The following CCNJL variants were observed in gnomAD, a reference collection of about 807,000 sequenced individuals.
CCNJL encodes the protein cyclin-J-like protein.
A neutral mutation model predicts 33.4 loss-of-function variants in CCNJL; 33 were observed. The observed-to-expected ratio is 0.99, with a 90% CI of 0.75 to 1.32. The LOEUF is 1.32. Ranked by LOEUF, CCNJL falls within the 40% of genes most tolerant of loss-of-function variation. The pLI, the probability that CCNJL is intolerant of heterozygous loss-of-function variation, is 0.00. For synonymous variants in CCNJL, 227 were observed against 220.9 expected (o/e 1.03, Z -0.24); for missense variants, 512 against 499.7 (o/e 1.02, Z -0.23).
At chr5:160,260,698 G>C (rs755148729) in intron 3 of CCNJL, among the ~76,000 whole-genome samples, 15 of 152,028 alleles carry the variant, frequency 9.9e-5, no homozygotes, top group Non-Finnish European at 1.9e-4. Flanking sequence ...CCTCACTCTG[G>C]GAAAACCACC....
chr5:160,280,434 C>T (rs774159241), intron 3 of CCNJL, 91 bp downstream of exon 3: 67 of 1,031,342 alleles, frequency 6.5e-5, no homozygotes, highest in Non-Finnish European at 9.1e-5. Context: ...GTGCAAAGAT[C>T]GTCAAAATGT....
chr5:160,253,697 G>A lies in CCNJL; in HGVS notation c.845C>T (p.Pro282Leu). The A allele has an allele frequency of 6.2e-7, 1 of 1,605,858 alleles. No homozygotes were observed. Among genetic ancestry groups the A allele is most frequent in the Non-Finnish European group, 8.5e-7 (1 of 1,175,894 alleles). The change falls in exon 6 of 6, where the codon CCA becomes CTA. Residue 282 changes from proline (P) to leucine (L), a missense_variant. Pro to Leu is a moderately conservative substitution (Grantham distance 98). Transcript: ENST00000257536. ...PPTPTQVLFQ[P>L]PAYPALGQPA... Reference sequence around the variant, plus strand: ...CTGGCCGAGGGCCGGGTAGGCTGGTGGCTGGAACAGCACTTGAGTGGGGGT... The same window carrying A: ...CTGGCCGAGGGCCGGGTAGGCTGGTAGCTGGAACAGCACTTGAGTGGGGGT...
At chr5:160,321,012 C>CTCTCTCTCTT (rs1561812740) in intron 1 of CCNJL, among the ~76,000 whole-genome samples, 2 of 71,990 alleles carry the variant, frequency 2.8e-5, no homozygotes, top group Non-Finnish European at 5.1e-5. Context: ...CTCTCTCTCT[C>CTCTCTCTCTT]TCTTTCTTTC....
rs145916838 is a variant in CCNJL, at chr5:160,280,817, C to T, written c.67-79G>A. ...TCGGCTGTCCCAGGAAATGGGACCT[C>T]AGGGCCTGAATGGGAGGCAACGATT... On this transcript the variant is annotated intron_variant, in intron 2 of 5. Coordinates refer to ENST00000257536, the MANE Select transcript of CCNJL (RefSeq NM_001308173.3). 417 of 979,184 alleles carry T rather than the reference C, an allele frequency of 4.3e-4. 6 individuals carry two copies. The East Asian group carries it at 0.011, about 25-fold the overall frequency. The allele number at this position is 979,184 out of a possible 1,614,324, so 60.7% of individuals were successfully genotyped here.
rs141728487 is a variant in CCNJL at position 160,262,875 on chromosome 5, C to T, written c.281-3104G>A. Among the ~76,000 whole-genome samples the T allele has an allele frequency of 2.0e-5, 3 of 152,334 alleles. No homozygotes were observed. In the East Asian group the frequency reaches 5.8e-4, roughly 29 times the overall value. On this transcript the variant is annotated intron_variant, in intron 3 of 5. Coordinates refer to ENST00000257536, the MANE Select transcript of CCNJL (RefSeq NM_001308173.3). The stretch of plus-strand genomic sequence containing the variant: ...GCTGGCCCCTTGTCCCCAGCGCTGC[C>T]ACCACCAAGCACCGTTACTCAGCTG...
At position 160,259,447 on chromosome 5, in the gene CCNJL, G is replaced by T. The variant is rs114604098; in HGVS notation, c.583+22C>A. ...TGGTGGGGAAGGGGTGGGAGGTCCT[G>T]CCATCGGGTCCCAGCTGTCACCTTG... On this transcript the variant is annotated intron_variant, in intron 4 of 5. Transcript: ENST00000257536. 3.1e-6 allele frequency: 5 copies of T among 1,590,818 alleles called. No homozygotes were observed. In the East Asian group the frequency reaches 1.1e-4, roughly 36 times the overall value.
At chr5:160,290,598 G>A (rs1762551346) in intron 2 of CCNJL, among the ~76,000 whole-genome samples, 1 of 151,980 alleles carries the variant, frequency 6.6e-6, no homozygotes, top group Non-Finnish European at 1.5e-5. Flanking sequence ...GGTGTTTCAG[G>A]CTCATGCTTC....
intron 2 of CCNJL, among the ~76,000 whole-genome samples, chr5:160,290,705 C>T (rs1220160745): frequency 1.3e-5 from 2 of 152,128 alleles, no homozygotes; most frequent in Non-Finnish European, 2.9e-5. Flanking sequence ...CATGAGGGCA[C>T]AGACTGGGCT....
chr5:160,290,572 A>T (rs1762550475), intron 2 of CCNJL, among the ~76,000 whole-genome samples: 1 of 152,108 alleles, frequency 6.6e-6, no homozygotes, highest in Non-Finnish European at 1.5e-5. Context: ...CTGGCCTAAA[A>T]GTCACTGCTG....
chr5:160,332,009 G>A (rs1257659392), intron 1 of CCNJL, among the ~76,000 whole-genome samples: 3 of 152,090 alleles, frequency 2.0e-5, no homozygotes, highest in Admixed American at 6.5e-5. Context: ...TCTGATGCAT[G>A]GGCCCCAGTA....
Position 160,259,898 on chromosome 5 carries a change from C to A in CCNJL, c.281-127G>T. 4 of 749,834 alleles carry A rather than the reference C, an allele frequency of 5.3e-6. No individual in the cohort carries two copies. In the East Asian group the frequency reaches 7.6e-5, roughly 14 times the overall value. 46.4% of individuals were successfully genotyped at this position (749,834 alleles called of 1,614,324 possible). ...GACAGAAAGCAGACAGGCCAGACTGCGGAGGAATAGGAGCACACATTCCAG... is the reference window on the plus strand; with the variant it reads ...GACAGAAAGCAGACAGGCCAGACTGAGGAGGAATAGGAGCACACATTCCAG... On this transcript the variant is annotated intron_variant, in intron 3 of 5. Transcript: ENST00000257536.
At chr5:160,273,772 G>A (rs767744877) in intron 3 of CCNJL, among the ~76,000 whole-genome samples, 2 of 145,236 alleles carry the variant, frequency 1.4e-5, no homozygotes, top group Admixed American at 7.1e-5. Flanking sequence ...TCAGCCTCCC[G>A]AGTAGCTGGG....
At chr5:160,336,818 C>T (rs772639788) in intron 1 of CCNJL, among the ~76,000 whole-genome samples, 1 of 152,142 alleles carries the variant, frequency 6.6e-6, no homozygotes, top group Non-Finnish European at 1.5e-5. Flanking sequence ...GTTGACCCTT[C>T]ACTTTCCGTC....
intron 4 of CCNJL, among the ~76,000 whole-genome samples, chr5:160,257,172 C>G (rs1390727108): frequency 2.0e-5 from 3 of 151,582 alleles, no homozygotes. Flanking sequence ...GAGACCCCAT[C>G]TCTAAAAAAA....
At chr5:160,253,858 G>GTCTC in intron 5 of CCNJL, 60 bp from the exon 6 acceptor site, 1 of 1,309,874 alleles carries the variant, frequency 7.6e-7, no homozygotes, top group Non-Finnish European at 1.0e-6. Flanking sequence ...GCCTGTGTGT[G>GTCTC]TCTCTACCTG....
At chr5:160,317,908 G>A (rs749547728), upstream of CCNJL, among the ~76,000 whole-genome samples, 17 of 152,144 alleles carry the variant, frequency 1.1e-4, no homozygotes, top group Non-Finnish European at 2.4e-4. Flanking sequence ...TATTACAACT[G>A]GAGTCCCTTG....
intron 2 of CCNJL, among the ~76,000 whole-genome samples, chr5:160,292,262 T>C (rs983592803): frequency 2.1e-4 from 32 of 152,300 alleles, no homozygotes; most frequent in African/African-American, 6.5e-4. Context: ...TTATGATGAA[T>C]AGTTTTATAG....
At chr5:160,301,731 G>A (rs926656355) in intron 2 of CCNJL, among the ~76,000 whole-genome samples, 2 of 149,390 alleles carry the variant, frequency 1.3e-5, no homozygotes, top group Admixed American at 1.3e-4. Context: ...CACCGCACCC[G>A]GTCGTCTTTT....
At chr5:160,311,694 G>C (rs1191994154) in intron 2 of CCNJL, among the ~76,000 whole-genome samples, 164 bp downstream of exon 2, 1 of 151,786 alleles carries the variant, frequency 6.6e-6, no homozygotes, top group Non-Finnish European at 1.5e-5. Flanking sequence ...TCTAACCCCC[G>C]CCCCCCAATT....
Sources: allele counts gnomAD v4.1 joint callset (sites outside exome capture counted in the v4.1 genomes callset), GRCh38; gene constraint gnomAD v4.1.1; transcripts MANE v1.5; gene names NCBI Gene and HGNC (gene_info 2026-07-23, HGNC 2026-07-21).